Variants in RANBP2 observed in about 807,000 individuals in gnomAD.
The protein encoded by RANBP2 is RAN binding protein 2.
RANBP2 carries 57 observed loss-of-function variants against 303.6 expected under a neutral mutation model. That is an observed-to-expected ratio of 0.19 (90% CI 0.15 to 0.23). The LOEUF is 0.23. Ranked by LOEUF, RANBP2 falls within the 10% of genes least tolerant of loss-of-function variation. RANBP2 has a pLI of 1.00. For missense variants in RANBP2, 3,138 were observed against 3,780.8 expected (o/e 0.83, Z 4.46); for synonymous variants, 1,167 against 1,301.5 (o/e 0.90, Z 2.23).
At chr2:109,203,574 G>A in the RANBP2 span, among the ~76,000 whole-genome samples, 2 of 152,102 alleles carry the variant, frequency 1.3e-5, no homozygotes, top group African/African-American at 2.4e-5. Context: ...CATGTGGTTC[G>A]TCCAGCTCTC....
chr2:109,508,475 G>A, the RANBP2 span, among the ~76,000 whole-genome samples: 38 of 152,292 alleles, frequency 2.5e-4, no homozygotes, highest in African/African-American at 6.5e-4. Flanking sequence ...AAAAGCACGC[G>A]TCTTCCGAGG....
chr2:108,746,393 T>A (rs1288223487), intron 7 of RANBP2, among the ~76,000 whole-genome samples: 3 of 150,402 alleles, frequency 2.0e-5, no homozygotes, highest in Admixed American at 6.6e-5. Flanking sequence ...GTTTTTTTTT[T>A]ATTATTTTTA....
the RANBP2 span, among the ~76,000 whole-genome samples, chr2:109,214,368 C>T: frequency 2.6e-5 from 4 of 151,506 alleles, no homozygotes; most frequent in Non-Finnish European, 4.4e-5. Context: ...AGCAGGAGGC[C>T]GGGGCCACGT....
the RANBP2 span, among the ~76,000 whole-genome samples, chr2:109,596,519 A>G: frequency 1.3e-5 from 2 of 152,064 alleles, no homozygotes; most frequent in Non-Finnish European, 2.9e-5. Flanking sequence ...CGGGAGGCTG[A>G]GGCAGGAGAA....
the RANBP2 span, chr2:109,546,214 A>G: frequency 6.4e-7 from 1 of 1,573,016 alleles, no homozygotes; most frequent in Non-Finnish European, 8.6e-7. Flanking sequence ...GAAGTCTCTT[A>G]AGGTGCTCAA....
At chr2:109,403,340 C>T in the RANBP2 span, among the ~76,000 whole-genome samples, 1 of 152,204 alleles carries the variant, frequency 6.6e-6, no homozygotes, top group African/African-American at 2.4e-5. Flanking sequence ...TGGCTTGCAT[C>T]ACTTCTCAGC....
the RANBP2 span, among the ~76,000 whole-genome samples, chr2:109,700,509 A>G: frequency 3.3e-5 from 5 of 152,188 alleles, no homozygotes; most frequent in East Asian, 9.7e-4. Context: ...GATAGACAAA[A>G]CAGTTGCATT....
rs773644718 is a variant in RANBP2 at position 108,765,731 on chromosome 2, G to T, written c.5192G>T (p.Ser1731Ile). The T allele has an allele frequency of 6.2e-7, 1 of 1,614,032 alleles. No homozygotes were observed. Among genetic ancestry groups the T allele is most frequent in the Middle Eastern group, 1.6e-4 (1 of 6,062 alleles). Residue 1731 changes from serine to isoleucine, a missense_variant, in exon 20 of 29, where the codon AGT becomes ATT. This residue lies in a region of RANBP2 where 348 missense variants were observed against 360.4 expected (regional missense o/e 0.97). Coordinates refer to ENST00000283195, the MANE Select transcript of RANBP2 (RefSeq NM_006267.5). Reference sequence around the variant, plus strand: ...AAGAAGGAAGGACAGTGGGATTGCAGTGTGTGCTTAGTAAGAAATGAAGCC... The same window carrying T: ...AAGAAGGAAGGACAGTGGGATTGCATTGTGTGCTTAGTAAGAAATGAAGCC... ...FTKKEGQWDC[S>I]VCLVRNEASA... is the part of the protein sequence containing the mutation.
At chr2:109,632,531 C>T in the RANBP2 span, among the ~76,000 whole-genome samples, 17 of 152,184 alleles carry the variant, frequency 1.1e-4, no homozygotes, top group Non-Finnish European at 2.1e-4. Context: ...ACTTGATGTC[C>T]AGCCGGGCGC....
chr2:109,564,597 G>A, the RANBP2 span: 32 of 1,350,264 alleles, frequency 2.4e-5, no homozygotes, highest in Non-Finnish European at 2.6e-5. Flanking sequence ...ACAACTAAGT[G>A]TTTGCTGAAT....
chr2:108,816,677 AACC>A, the RANBP2 span, among the ~76,000 whole-genome samples: 1 of 152,116 alleles, frequency 6.6e-6, no homozygotes. Context: ...CATCCCTCAT[AACC>A]CAGTCACCTC....
At chr2:109,301,915 G>T in the RANBP2 span, among the ~76,000 whole-genome samples, 1 of 152,182 alleles carries the variant, frequency 6.6e-6, no homozygotes, top group African/African-American at 2.4e-5. Context: ...CCCCGGTGCG[G>T]GACCGGGGTC....
chr2:109,453,320 G>T, the RANBP2 span, among the ~76,000 whole-genome samples: 1 of 151,418 alleles, frequency 6.6e-6, no homozygotes, highest in African/African-American at 2.5e-5. Context: ...TTACACAGTA[G>T]AACTCAAATC....
At chr2:109,546,972 C>T in the RANBP2 span, among the ~76,000 whole-genome samples, 1 of 152,178 alleles carries the variant, frequency 6.6e-6, no homozygotes, top group African/African-American at 2.4e-5. Context: ...AACTAAGAAG[C>T]AGCAGATACA....
chr2:109,494,804 G>A, the RANBP2 span, among the ~76,000 whole-genome samples: 1 of 152,144 alleles, frequency 6.6e-6, no homozygotes, highest in African/African-American at 2.4e-5. Context: ...CCTTTCCTGT[G>A]CCCAGACTCC....
At chr2:109,207,088 G>A in the RANBP2 span, among the ~76,000 whole-genome samples, 4 of 152,288 alleles carry the variant, frequency 2.6e-5, no homozygotes, top group Middle Eastern at 3.4e-3. Context: ...AGCTTAGTGC[G>A]CTCAAGAAGA....
At chr2:109,522,022 A>G in the RANBP2 span, among the ~76,000 whole-genome samples, 3 of 152,168 alleles carry the variant, frequency 2.0e-5, no homozygotes, top group Non-Finnish European at 4.4e-5. Context: ...CTGTCACTCC[A>G]CAACGGCAGC....
At chr2:109,137,546 G>A in the RANBP2 span, among the ~76,000 whole-genome samples, 6 of 152,174 alleles carry the variant, frequency 3.9e-5, no homozygotes, top group Admixed American at 2.0e-4. Context: ...TTAATTTTTT[G>A]TTGGCCATCA....
chr2:109,362,406 T>A, the RANBP2 span, among the ~76,000 whole-genome samples: 1 of 152,248 alleles, frequency 6.6e-6, no homozygotes, highest in Non-Finnish European at 1.5e-5. Context: ...TCTAATTTAA[T>A]GCTATTGTGG....
Sources: allele counts gnomAD v4.1 joint callset (sites outside exome capture counted in the v4.1 genomes callset), GRCh38; gene constraint gnomAD v4.1.1; regional missense constraint gnomAD v4.1.1; transcripts MANE v1.5; gene names NCBI Gene and HGNC (gene_info 2026-07-23, HGNC 2026-07-21).